SLC39A11: variants seen among roughly 807,000 people sequenced by gnomAD.
SLC39A11 encodes the protein zinc transporter ZIP11.
Under a neutral mutation model 36.1 loss-of-function variants are expected in SLC39A11, and 33 were observed. The observed-to-expected ratio is 0.91, with a 90% CI of 0.69 to 1.22. The LOEUF is 1.22. Among genes scored for constraint, SLC39A11 ranks in the 50% most tolerant of loss-of-function variants. SLC39A11 has a pLI of 0.00. For missense variants in SLC39A11, 432 were observed against 430.3 expected, an observed-to-expected ratio of 1.00 and a Z score of -0.03; for synonymous variants, 166 against 170.3, an observed-to-expected ratio of 0.97 and a Z score of 0.20.
At chr17:73,087,000 G>A (rs148503559) in intron 2 of SLC39A11, among the ~76,000 whole-genome samples, 1 of 151,074 alleles carries the variant, frequency 6.6e-6, no homozygotes, top group Non-Finnish European at 1.5e-5. Context: ...AGGTTGCAGT[G>A]AACCAAGATC....
At chr17:73,057,898 C>T (rs1321795940) in intron 3 of SLC39A11, among the ~76,000 whole-genome samples, 2 of 152,108 alleles carry the variant, frequency 1.3e-5, no homozygotes, top group African/African-American at 4.8e-5. Context: ...GATCGTGCCA[C>T]TGCACTCCAG....
chr17:72,867,798 A>G (rs2080386999), intron 5 of SLC39A11, among the ~76,000 whole-genome samples: 1 of 151,890 alleles, frequency 6.6e-6, no homozygotes, highest in Non-Finnish European at 1.5e-5. Flanking sequence ...ACGCACACAC[A>G]CCTATGCACA....
At chr17:72,966,722 A>G (rs1257782750) in intron 4 of SLC39A11, among the ~76,000 whole-genome samples, 1 of 152,124 alleles carries the variant, frequency 6.6e-6, no homozygotes, top group East Asian at 1.9e-4. Context: ...GGCGCCCGCC[A>G]CCACGCCCAG....
chr17:72,914,241 G>A (rs1228552500), intron 5 of SLC39A11, among the ~76,000 whole-genome samples: 5 of 151,658 alleles, frequency 3.3e-5, no homozygotes, highest in South Asian at 2.1e-4. Context: ...GCATGAACCC[G>A]GGAGGCAGAG....
At chr17:72,755,589 G>A (rs574143855) in intron 6 of SLC39A11, among the ~76,000 whole-genome samples, 1 of 152,340 alleles carries the variant, frequency 6.6e-6, no homozygotes, top group South Asian at 2.1e-4. Flanking sequence ...TTTAAAGTCA[G>A]GCATAAATGC....
intron 6 of SLC39A11, among the ~76,000 whole-genome samples, chr17:72,807,645 A>G (rs2077304237): frequency 6.6e-6 from 1 of 152,222 alleles, no homozygotes; most frequent in Admixed American, 6.5e-5. Flanking sequence ...GTTGGTGAAC[A>G]CACGGAGGTG....
chr17:72,913,948 A>C (rs115556570), intron 5 of SLC39A11, among the ~76,000 whole-genome samples: 1 of 151,930 alleles, frequency 6.6e-6, no homozygotes, highest in Non-Finnish European at 1.5e-5. Context: ...AGAAATCCAC[A>C]TACAGTTGGC....
At chr17:72,953,045 T>C (rs1171459484) in intron 4 of SLC39A11, among the ~76,000 whole-genome samples, 1 of 152,160 alleles carries the variant, frequency 6.6e-6, no homozygotes, top group Non-Finnish European at 1.5e-5. Context: ...CTCCCGATCC[T>C]CTTTCCCTGT....
intron 6 of SLC39A11, among the ~76,000 whole-genome samples, chr17:72,810,161 C>T (rs1289157986): frequency 1.1e-4 from 16 of 151,544 alleles, no homozygotes; most frequent in Non-Finnish European, 2.1e-4. Context: ...AAGAAAATAT[C>T]TTTCCCCAAT....
At chr17:72,854,923 G>A (rs539964083) in intron 5 of SLC39A11, among the ~76,000 whole-genome samples, 13 of 152,300 alleles carry the variant, frequency 8.5e-5, no homozygotes, top group African/African-American at 2.6e-4. Flanking sequence ...GGACATGATT[G>A]TGGCCACAAA....
At chr17:72,816,277 A>G (rs756417320) in intron 6 of SLC39A11, among the ~76,000 whole-genome samples, 1 of 152,222 alleles carries the variant, frequency 6.6e-6, no homozygotes, top group Non-Finnish European at 1.5e-5. Flanking sequence ...TGTAACAGCA[A>G]TGAACTTCCA....
rs543423420 is a variant in SLC39A11 at position 72,810,748 on chromosome 17, T to A, written c.601+38886A>T. Among the ~76,000 whole-genome samples, 250 of 152,234 alleles carry A rather than the reference T, an allele frequency of 1.6e-3. 1 individual carries two copies. Among genetic ancestry groups the A allele is most frequent in the Non-Finnish European group, 7.9e-4 (54 of 68,002 alleles). On this transcript the variant is annotated intron_variant, in intron 6 of 9. Transcript: ENST00000255559. ...TTGCCCAGGCTGGAGTGCAGTGGCA[T>A]GATCTTGGCTCACTACAATCTCCAC...
intron 5 of SLC39A11, among the ~76,000 whole-genome samples, chr17:72,851,657 C>A (rs754512568): frequency 6.6e-6 from 1 of 152,114 alleles, no homozygotes; most frequent in Non-Finnish European, 1.5e-5. Context: ...CAATCACAAG[C>A]GGCTGAGCTT....
At chr17:72,917,236 A>G (rs1042495883) in intron 5 of SLC39A11, among the ~76,000 whole-genome samples, 2 of 152,168 alleles carry the variant, frequency 1.3e-5, no homozygotes, top group Non-Finnish European at 2.9e-5. Context: ...TCTCTTCTCC[A>G]CTTCCGGGGT....
chr17:72,944,954 G>A (rs914823611), intron 5 of SLC39A11, among the ~76,000 whole-genome samples: 12 of 152,146 alleles, frequency 7.9e-5, no homozygotes, highest in African/African-American at 1.4e-4. Flanking sequence ...TCTGAGATGG[G>A]GGGACTAGAC....
At chr17:72,946,291 T>C (rs550476770) in intron 5 of SLC39A11, among the ~76,000 whole-genome samples, 1 of 152,332 alleles carries the variant, frequency 6.6e-6, no homozygotes, top group South Asian at 2.1e-4. Flanking sequence ...TTGGATGAAA[T>C]TTTTATTTCC....
chr17:72,716,891 C>T (rs2073392095), intron 7 of SLC39A11, among the ~76,000 whole-genome samples: 2 of 150,742 alleles, frequency 1.3e-5, no homozygotes, highest in Admixed American at 6.6e-5. Flanking sequence ...ATTGCTTGAA[C>T]TCAGGGGGTG....
intron 7 of SLC39A11, among the ~76,000 whole-genome samples, chr17:72,720,430 C>T (rs1372308333): frequency 2.0e-5 from 3 of 152,074 alleles, no homozygotes; most frequent in South Asian, 2.1e-4. Flanking sequence ...ACTCAGAGAC[C>T]CTGCTCCTGG....
intron 6 of SLC39A11, among the ~76,000 whole-genome samples, chr17:72,824,273 G>T (rs889472611): frequency 6.6e-6 from 1 of 150,988 alleles, no homozygotes; most frequent in African/African-American, 2.4e-5. Flanking sequence ...TCTCTCTCCT[G>T]CTCCACCATG....
Sources: gnomAD v4.1 joint callset for allele counts (sites outside exome capture counted in the v4.1 genomes callset) on GRCh38, gnomAD v4.1.1 for gene constraint, MANE v1.5 for transcripts, NCBI Gene and HGNC (gene_info 2026-07-23, HGNC 2026-07-21) for gene names.